Variants in PTGR3 observed in about 807,000 individuals in gnomAD.
PTGR3 encodes zinc binding alcohol dehydrogenase domain containing 2.
At chr18:75,199,250 A>G in the PTGR3 span, 2 of 152,630 alleles carry the variant, frequency 1.3e-5, no homozygotes, top group African/African-American at 4.8e-5. Flanking sequence ...ATCAGTTAAA[A>G]TGTTGGTCTT....
At chr18:75,206,702 C>G in the PTGR3 span, among the ~76,000 whole-genome samples, 149,851 of 152,320 alleles carry the variant, frequency 0.98, 73,760 homozygotes, top group East Asian at 1. Flanking sequence ...ATTCTTTTCC[C>G]TTAAGGATTC....
At chr18:75,201,677 G>C in the PTGR3 span, 68 of 1,614,062 alleles carry the variant, frequency 4.2e-5, no homozygotes, top group Non-Finnish European at 5.5e-5. Context: ...TGAGCAGTTT[G>C]GCTGGCAATG....
the PTGR3 span, among the ~76,000 whole-genome samples, chr18:75,204,229 G>A: frequency 6.6e-6 from 1 of 152,226 alleles, no homozygotes; most frequent in Non-Finnish European, 1.5e-5. Flanking sequence ...CGCGCCCTGG[G>A]GGGCTCTGCA....
At chr18:75,196,406 T>G in the PTGR3 span, 1 of 151,828 alleles carries the variant, frequency 6.6e-6, no homozygotes, top group African/African-American at 2.4e-5. Flanking sequence ...GGTGGGAGGA[T>G]TGCTTGAGCC....
At chr18:75,207,783 A>T in the PTGR3 span, among the ~76,000 whole-genome samples, 1 of 152,242 alleles carries the variant, frequency 6.6e-6, no homozygotes. Flanking sequence ...TTAGGAAGGT[A>T]CATTTTGTCC....
At chr18:75,206,070 T>C in the PTGR3 span, among the ~76,000 whole-genome samples, 5 of 152,108 alleles carry the variant, frequency 3.3e-5, no homozygotes, top group South Asian at 2.1e-4. Context: ...CTCTCTCTCT[T>C]TTTCTTTTCT....
At chr18:75,205,343 G>A in the PTGR3 span, 6 of 985,548 alleles carry the variant, frequency 6.1e-6, no homozygotes, top group Non-Finnish European at 7.2e-6. Context: ...CACTGGGAAG[G>A]ATTCGCGCAT....
the PTGR3 span, among the ~76,000 whole-genome samples, chr18:75,206,438 G>A: frequency 6.6e-6 from 1 of 152,200 alleles, no homozygotes; most frequent in Non-Finnish European, 1.5e-5. Flanking sequence ...AAAAATGAGA[G>A]GCACTTGCAT....
At chr18:75,202,360 CAAAT>C in the PTGR3 span, 4 of 1,595,186 alleles carry the variant, frequency 2.5e-6, no homozygotes, top group East Asian at 4.5e-5. Context: ...AACAAACAAA[CAAAT>C]ATGTTACGAT....
At chr18:75,197,753 A>G in the PTGR3 span, 1 of 152,274 alleles carries the variant, frequency 6.6e-6, no homozygotes, top group African/African-American at 2.4e-5. Flanking sequence ...TCTTGTGTTT[A>G]ACCAAGTAAT....
the PTGR3 span, chr18:75,208,783 A>AGCGGC: frequency 1.7e-4 from 220 of 1,299,138 alleles, 1 homozygote; most frequent in Admixed American, 6.6e-4. Flanking sequence ...GGACTGCGGG[A>AGCGGC]GCGGCGCGGC....
chr18:75,195,408 C>T, the PTGR3 span: 5 of 152,126 alleles, frequency 3.3e-5, no homozygotes, highest in African/African-American at 1.2e-4. Context: ...TCAGCCGTAT[C>T]CCAAAGGACC....
At chr18:75,202,376 G>A in the PTGR3 span, 2,410 of 1,575,062 alleles carry the variant, frequency 1.5e-3, 32 homozygotes, top group East Asian at 0.03. Context: ...TGTTACGATG[G>A]GTTTTTTGTT....
chr18:75,207,619 C>T, the PTGR3 span, among the ~76,000 whole-genome samples: 1 of 151,818 alleles, frequency 6.6e-6, no homozygotes, highest in African/African-American at 2.4e-5. Flanking sequence ...CCCCCACCCC[C>T]GCCTCCACAC....
the PTGR3 span, among the ~76,000 whole-genome samples, chr18:75,204,775 C>T: frequency 6.6e-6 from 1 of 152,132 alleles, no homozygotes; most frequent in African/African-American, 2.4e-5. Context: ...GGGCGGGGGC[C>T]CCGGCAGGCG....
the PTGR3 span, chr18:75,208,720 C>G: frequency 1.0e-6 from 1 of 1,002,968 alleles, no homozygotes; most frequent in Non-Finnish European, 1.3e-6. Flanking sequence ...ATCTCGCAAA[C>G]TCAGGCTGTG....
the PTGR3 span, chr18:75,201,491 G>C: frequency 2.5e-6 from 4 of 1,614,062 alleles, no homozygotes; most frequent in Non-Finnish European, 3.4e-6. Flanking sequence ...ACATATAATT[G>C]ACAGCACGGA....
chr18:75,206,548 G>A, the PTGR3 span, among the ~76,000 whole-genome samples: 1 of 152,086 alleles, frequency 6.6e-6, no homozygotes, highest in African/African-American at 2.4e-5. Flanking sequence ...TAAAAAATTC[G>A]GTAAAATGTC....
the PTGR3 span, among the ~76,000 whole-genome samples, chr18:75,205,756 A>G: frequency 1.4e-5 from 2 of 148,108 alleles, no homozygotes; most frequent in South Asian, 4.6e-4. Flanking sequence ...AGAAAAAGAA[A>G]GAAAGAAACA....
Sources: gnomAD v4.1 joint callset for allele counts (sites outside exome capture counted in the v4.1 genomes callset) on GRCh38, gnomAD v4.1.1 for gene constraint, MANE v1.5 for transcripts, NCBI Gene and HGNC (gene_info 2026-07-23, HGNC 2026-07-21) for gene names.